Variants in KCNS3 observed in about 807,000 individuals in gnomAD.
The protein encoded by KCNS3 is potassium voltage-gated channel modifier subfamily S member 3.
In KCNS3, 13 loss-of-function variants were observed where a neutral mutation model predicts 31.0. The ratio of observed to expected loss-of-function variants is 0.42; its 90% CI spans 0.27 to 0.67. KCNS3 has a LOEUF of 0.67. KCNS3 is among the 30% of genes least tolerant of loss of function. The probability of loss-of-function intolerance (pLI) is 0.25; values close to 1 mark genes in which losing one functional copy is unlikely to be tolerated. For missense variants in KCNS3, 545 were observed against 622.4 expected (o/e 0.88, Z 1.32); for synonymous variants, 238 against 241.5 (o/e 0.99, Z 0.13).
chr2:17,922,006 T>C (rs1161176578), intron 2 of KCNS3, among the ~76,000 whole-genome samples: 1 of 147,282 alleles, frequency 6.8e-6, no homozygotes, highest in South Asian at 2.1e-4. Context: ...AATCAGGATC[T>C]GTACAAAGTC....
intron 1 of KCNS3, among the ~76,000 whole-genome samples, chr2:17,898,567 A>C (rs1183293863): frequency 6.6e-6 from 1 of 152,178 alleles, no homozygotes; most frequent in Non-Finnish European, 1.5e-5. Flanking sequence ...AGTTAGCTGC[A>C]ACCAGTTGCT....
chr2:17,892,084 A>G (rs1661871398), intron 1 of KCNS3, among the ~76,000 whole-genome samples: 1 of 152,114 alleles, frequency 6.6e-6, no homozygotes, highest in Non-Finnish European at 1.5e-5. Flanking sequence ...TTGGTCATGT[A>G]ACATAATCCC....
In KCNS3 at chr2:17,911,407, T is replaced by G. The variant is rs147407345; in HGVS notation, c.-251-6273T>G. On this transcript the variant is annotated intron_variant, in intron 1 of 2. Transcript: ENST00000304101. Reference sequence around the variant, plus strand: ...ATCCTTTCTCATGTGAATCTATAAGTTCATTTGATATCTATCTCATTCCCC... The same window carrying G: ...ATCCTTTCTCATGTGAATCTATAAGGTCATTTGATATCTATCTCATTCCCC... 3.8e-3 allele frequency among the ~76,000 whole-genome samples: 586 copies of G among 152,324 alleles called. 3 individuals are homozygous for G. The highest frequency in any genetic ancestry group is 0.014 in the Middle Eastern group (4 of 294).
At chr2:17,906,654 T>C (rs984144399) in intron 1 of KCNS3, among the ~76,000 whole-genome samples, 9 of 152,244 alleles carry the variant, frequency 5.9e-5, no homozygotes, top group Non-Finnish European at 1.3e-4. Context: ...TTCTGGTATG[T>C]TGTGTCGTTG....
At chr2:17,883,605 A>G (rs1674692611) in intron 1 of KCNS3, among the ~76,000 whole-genome samples, 1 of 152,178 alleles carries the variant, frequency 6.6e-6, no homozygotes, top group Non-Finnish European at 1.5e-5. Context: ...CATTAAGTGA[A>G]GAGTGGGAGA....
rs150817145 is a variant in KCNS3 at position 17,930,015 on chromosome 2, A to G, written c.-59-935A>G. Among the ~76,000 whole-genome samples the G allele has an allele frequency of 3.5e-3, 538 of 152,302 alleles. 1 individual carries two copies. Among genetic ancestry groups the G allele is most frequent in the South Asian group, 5.2e-3 (25 of 4,828 alleles). ...ATCTGTTCTGAGGAAACGTCATTGC[A>G]TTGGGTGAGGATCAAAAGCTGTTAT... On this transcript the variant is annotated intron_variant, in intron 2 of 2. Transcript: ENST00000304101.
intron 2 of KCNS3, among the ~76,000 whole-genome samples, chr2:17,923,282 C>T (rs1314883226): frequency 6.6e-6 from 1 of 152,080 alleles, no homozygotes; most frequent in Non-Finnish European, 1.5e-5. Flanking sequence ...AAATGTCTAT[C>T]AAAATTATTT....
chr2:17,911,262 AG>A (rs766274516), intron 1 of KCNS3, among the ~76,000 whole-genome samples: 20 of 152,104 alleles, frequency 1.3e-4, no homozygotes, highest in Non-Finnish European at 2.8e-4. Context: ...GTAAGCTTTG[AG>A]GGCAAGATCC....
chr2:17,922,884 A>T (rs11696049), intron 2 of KCNS3, among the ~76,000 whole-genome samples: 1 of 151,984 alleles, frequency 6.6e-6, no homozygotes, highest in East Asian at 1.9e-4. Flanking sequence ...CTTTTTCGCT[A>T]TTATGAATAA....
intron 1 of KCNS3, among the ~76,000 whole-genome samples, chr2:17,899,303 A>T (rs1662108348): frequency 6.6e-6 from 1 of 152,210 alleles, no homozygotes; most frequent in Non-Finnish European, 1.5e-5. Flanking sequence ...ATAATGTGCG[A>T]GACACTGTTA....
At chr2:17,922,769 G>A (rs984064568) in intron 2 of KCNS3, among the ~76,000 whole-genome samples, 49 of 145,634 alleles carry the variant, frequency 3.4e-4, no homozygotes, top group Non-Finnish European at 6.2e-4. Context: ...ATCTTTTATT[G>A]TCTTTTTTTA....
chr2:17,888,637 A>ATATATATC (rs1661757611), intron 1 of KCNS3, among the ~76,000 whole-genome samples: 8 of 70,746 alleles, frequency 1.1e-4, no homozygotes, highest in Non-Finnish European at 3.0e-4. Flanking sequence ...ATGTATATAT[A>ATATATATC]TATATATATA....
rs112405179 is a variant in KCNS3 at position 17,926,306 on chromosome 2, T to C, written c.-59-4644T>C. Among the ~76,000 whole-genome samples, 979 of 152,286 alleles carry C rather than the reference T, an allele frequency of 6.4e-3. 10 individuals carry two copies. Among genetic ancestry groups the C allele is most frequent in the Middle Eastern group, 0.027 (8 of 294 alleles). ...GAGTGTCTGTGGCTTTTCCAGGTGCTCAGTGCAAGCTGTCAGTGGATCTAC... is the reference window on the plus strand; with the variant it reads ...GAGTGTCTGTGGCTTTTCCAGGTGCCCAGTGCAAGCTGTCAGTGGATCTAC... On this transcript the variant is annotated intron_variant, in intron 2 of 2. Transcript: ENST00000304101.
At chr2:17,899,812 A>C (rs910321356) in intron 1 of KCNS3, among the ~76,000 whole-genome samples, 1 of 152,234 alleles carries the variant, frequency 6.6e-6, no homozygotes, top group African/African-American at 2.4e-5. Context: ...TGACTCTTCT[A>C]TTTATCCCAG....
chr2:17,890,526 G>A (rs567372897), intron 1 of KCNS3, among the ~76,000 whole-genome samples: 1 of 151,364 alleles, frequency 6.6e-6, no homozygotes, highest in Non-Finnish European at 1.5e-5. Flanking sequence ...TAGATTGTCT[G>A]TTTGTGCTCT....
chr2:17,892,123 TC>T (rs1308874253), intron 1 of KCNS3, among the ~76,000 whole-genome samples: 2 of 152,148 alleles, frequency 1.3e-5, no homozygotes, highest in African/African-American at 4.8e-5. Flanking sequence ...GTTCACATTT[TC>T]TTATTCTTTT....
chr2:17,931,411 C>T lies in KCNS3; in HGVS notation c.403C>T (p.Gln135Ter). ...GGAAAACCACGAGAAGGACTGGGAC[C>T]AGAAAAGCCATGATGTGAGTACCGA... ...KEENHEKDWD[Q>*]KSHDVSTDSS... The change falls in exon 3 of 3, where the codon CAG becomes TAG. Residue 135 changes from glutamine to a stop codon, truncating the protein, a stop_gained. Transcript: ENST00000304101. LOFTEE classifies it high-confidence loss of function. This position sits in a 1 kb window ranked among gnomAD's most constrained non-coding sequence, Gnocchi z 5.4. 1 of 1,614,126 alleles carries T rather than the reference C, an allele frequency of 6.2e-7. No homozygotes were observed. The highest frequency in any genetic ancestry group is 8.5e-7 in the Non-Finnish European group (1 of 1,180,020).
At chr2:17,897,700 A>C (rs915832449) in intron 1 of KCNS3, among the ~76,000 whole-genome samples, 8 of 152,030 alleles carry the variant, frequency 5.3e-5, no homozygotes, top group Non-Finnish European at 1.2e-4. Context: ...ATAATTTGCA[A>C]TTTTTTTCTC....
intron 1 of KCNS3, among the ~76,000 whole-genome samples, chr2:17,906,274 C>G (rs201126333): frequency 3.9e-5 from 6 of 152,072 alleles, no homozygotes; most frequent in African/African-American, 1.4e-4. Context: ...TTCTCTGATA[C>G]TAGTTTGTAT....
Sources: allele counts gnomAD v4.1 joint callset (sites outside exome capture counted in the v4.1 genomes callset), GRCh38; gene constraint gnomAD v4.1.1; non-coding constraint Gnocchi (gnomAD v3.1); transcripts MANE v1.5; gene names NCBI Gene and HGNC (gene_info 2026-07-23, HGNC 2026-07-21).